NTN1: variants seen among roughly 807,000 people sequenced by gnomAD.
NTN1 encodes the protein netrin 1.
Under a neutral mutation model 54.2 loss-of-function variants are expected in NTN1, and 11 were observed. The ratio of observed to expected loss-of-function variants is 0.20; its 90% CI spans 0.13 to 0.34. NTN1 has a LOEUF of 0.34. Among genes scored for constraint, NTN1 ranks in the 10% least tolerant of loss-of-function variants. The probability of loss-of-function intolerance (pLI) is 1.00; values close to 1 mark genes in which losing one functional copy is unlikely to be tolerated. For missense variants in NTN1, 740 were observed against 893.1 expected, an observed-to-expected ratio of 0.83 and a Z score of 2.18; for synonymous variants, 371 against 382.0, an observed-to-expected ratio of 0.97 and a Z score of 0.33.
At chr17:9,177,774 C>G (rs941055077) in intron 3 of NTN1, 1 of 152,370 alleles carries the variant, frequency 6.6e-6, no homozygotes, top group Non-Finnish European at 1.5e-5. Flanking sequence ...CCCCTCCTCG[C>G]CGCCGCCTCT....
chr17:9,166,149 TCCA>T (rs60014697), intron 3 of NTN1, among the ~76,000 whole-genome samples: 6,302 of 111,040 alleles, frequency 0.057, 507 homozygotes, highest in East Asian at 0.36. Context: ...TCAACCCCCT[TCCA>T]CCACCACCAC....
rs771426401 is a variant in NTN1, at chr17:9,183,278, AG to A, written c.1411+313del. The A allele has an allele frequency of 1.0e-4, 63 of 603,808 alleles. No individual in the cohort carries two copies. In the East Asian group the frequency reaches 1.7e-3, roughly 16 times the overall value. The allele number at this position is 603,808 out of a possible 1,614,324, so 37.4% of individuals were successfully genotyped here. A position where few individuals can be genotyped will look rare whatever the true frequency, so the allele number is the denominator to read the frequency against. ...CGCCAGCCCAACACCTTCCAGGCTG[AG>A]GGGTTGTCACTCCTTCCTGGGGCTG... On this transcript the variant is annotated intron_variant, in intron 5 of 6. Coordinates refer to ENST00000173229, the MANE Select transcript of NTN1 (RefSeq NM_004822.3).
At chr17:9,226,438 G>GTCTCGTGGGGAGGCT (rs1905556837) in intron 6 of NTN1, among the ~76,000 whole-genome samples, 3 of 88,992 alleles carry the variant, frequency 3.4e-5, no homozygotes, top group Non-Finnish European at 6.1e-5. Context: ...GTGGGGAGGC[G>GTCTCGTGGGGAGGCT]GTCTCGTGGG....
At chr17:9,151,355 C>T (rs575075673) in intron 2 of NTN1, among the ~76,000 whole-genome samples, 1 of 152,296 alleles carries the variant, frequency 6.6e-6, no homozygotes, top group East Asian at 1.9e-4. Context: ...CCTCGACAAA[C>T]ACAGGCCACT....
At chr17:9,030,222 A>G (rs1004343772) in intron 2 of NTN1, among the ~76,000 whole-genome samples, 2 of 152,178 alleles carry the variant, frequency 1.3e-5, no homozygotes, top group Non-Finnish European at 2.9e-5. Context: ...TATCAGAGGC[A>G]GCTGCTGGCA....
rs1483688813 is a variant in NTN1 at position 9,219,978 on chromosome 17, T to C, written c.1412-1190T>C. Among the ~76,000 whole-genome samples the C allele has an allele frequency of 6.6e-6, 1 of 152,170 alleles. No homozygotes were observed. The highest frequency in any genetic ancestry group is 1.5e-5 in the Non-Finnish European group (1 of 68,026). On this transcript the variant is annotated intron_variant, in intron 5 of 6. Transcript: ENST00000173229. The surrounding 1 kb of genome is among the most constrained non-coding windows in gnomAD (Gnocchi z 4.5). The stretch of plus-strand genomic sequence containing the variant: ...ACAGGCTGGGCCCCCTGCAGCTCCC[T>C]GCAGCTCCCCGCTCCTCCCCGCTGG...
chr17:9,231,175 T>A (rs949881074), intron 6 of NTN1, among the ~76,000 whole-genome samples: 36 of 152,252 alleles, frequency 2.4e-4, no homozygotes, highest in African/African-American at 8.7e-4. Context: ...ACTGAGGACC[T>A]CAGCACCCCC....
chr17:9,026,433 A>G (rs895067600), intron 2 of NTN1, among the ~76,000 whole-genome samples: 2 of 152,096 alleles, frequency 1.3e-5, no homozygotes, highest in African/African-American at 4.8e-5. Flanking sequence ...TATGAAAGAC[A>G]AGACGATGTA....
chr17:9,165,965 A>G lies in NTN1; in HGVS notation c.1207+2964A>G, dbSNP rs1353293823. Among the ~76,000 whole-genome samples the G allele has an allele frequency of 1.3e-5, 2 of 152,198 alleles. No individual in the cohort carries two copies. The highest frequency in any genetic ancestry group is 2.4e-5 in the African/African-American group (1 of 41,454). On this transcript the variant is annotated intron_variant, in intron 3 of 6. Coordinates refer to ENST00000173229, the MANE Select transcript of NTN1 (RefSeq NM_004822.3). This position sits in a 1 kb window ranked among gnomAD's most constrained non-coding sequence, Gnocchi z 4.5. ...GATTGGTGAAGAAAGACATCTCTGGAAAGTCCAGATCTTTCCCCTCAGCTC... is the reference window on the plus strand; with the variant it reads ...GATTGGTGAAGAAAGACATCTCTGGGAAGTCCAGATCTTTCCCCTCAGCTC...
chr17:9,090,590 C>G (rs1321416451), intron 2 of NTN1, among the ~76,000 whole-genome samples: 1 of 151,990 alleles, frequency 6.6e-6, no homozygotes, highest in Non-Finnish European at 1.5e-5. Flanking sequence ...ATACAGATGC[C>G]GGTTTATAAA....
chr17:9,093,524 G>A (rs1567708759), intron 2 of NTN1, among the ~76,000 whole-genome samples: 1 of 152,098 alleles, frequency 6.6e-6, no homozygotes, highest in Non-Finnish European at 1.5e-5. Flanking sequence ...CTCCACACTT[G>A]GCGAATTTTC....
chr17:9,137,847 C>T (rs549745253), intron 2 of NTN1, among the ~76,000 whole-genome samples: 7 of 152,280 alleles, frequency 4.6e-5, no homozygotes, highest in Non-Finnish European at 7.4e-5. Flanking sequence ...CCGGCATTTC[C>T]GGCCTTCCCG....
chr17:9,218,626 C>T (rs766810521), intron 5 of NTN1, among the ~76,000 whole-genome samples: 1 of 152,046 alleles, frequency 6.6e-6, no homozygotes, highest in Non-Finnish European at 1.5e-5. Flanking sequence ...GACTCATCTG[C>T]CTTCCTCCTG....
chr17:9,065,547 C>G (rs1046634162), intron 2 of NTN1, among the ~76,000 whole-genome samples: 1 of 152,238 alleles, frequency 6.6e-6, no homozygotes, highest in Non-Finnish European at 1.5e-5. Flanking sequence ...GAAATGATCT[C>G]GTACTTGTCC....
intron 5 of NTN1, among the ~76,000 whole-genome samples, chr17:9,203,642 A>C (rs143712509): frequency 0.018 from 2,812 of 152,070 alleles, 80 homozygotes; most frequent in African/African-American, 0.06. Flanking sequence ...CTACTAAAAA[A>C]TACAAAAAAA....
intron 2 of NTN1, among the ~76,000 whole-genome samples, chr17:9,152,046 C>T (rs1020368088): frequency 6.6e-6 from 1 of 151,320 alleles, no homozygotes; most frequent in Middle Eastern, 3.3e-3. Context: ...GGAATAAAAG[C>T]TGGCCCCCCG....
chr17:9,128,241 C>T (rs1278594810), intron 2 of NTN1, among the ~76,000 whole-genome samples: 16 of 150,430 alleles, frequency 1.1e-4, no homozygotes, highest in African/African-American at 3.7e-4. Flanking sequence ...ACCCAGGAGG[C>T]GGAGGTTGCA....
At chr17:9,017,651 G>A (rs1192665537), upstream of NTN1, among the ~76,000 whole-genome samples, 3 of 152,186 alleles carry the variant, frequency 2.0e-5, no homozygotes, top group African/African-American at 7.2e-5. Context: ...CGCATTCCTT[G>A]CAGAAACACC....
intron 2 of NTN1, among the ~76,000 whole-genome samples, chr17:9,027,904 C>T (rs959856368): frequency 6.6e-6 from 1 of 152,006 alleles, no homozygotes; most frequent in African/African-American, 2.4e-5. Flanking sequence ...TAGTCAGAAC[C>T]CCTCTTTAAG....
Sources: gnomAD v4.1 joint callset for allele counts (sites outside exome capture counted in the v4.1 genomes callset) on GRCh38, gnomAD v4.1.1 for gene constraint, Gnocchi (gnomAD v3.1) non-coding constraint, MANE v1.5 for transcripts, NCBI Gene and HGNC (gene_info 2026-07-23, HGNC 2026-07-21) for gene names.